GPRC5B: variants seen among roughly 807,000 people sequenced by gnomAD.
The protein encoded by GPRC5B is G protein-coupled receptor class C group 5 member B, also known as G protein-coupled receptor family C group 5 member B.
In GPRC5B, 16 loss-of-function variants were observed where a neutral mutation model predicts 30.1. That is an observed-to-expected ratio of 0.53 (90% CI 0.36 to 0.81). The LOEUF is 0.81. Ranked by LOEUF, GPRC5B falls within the 30% of genes least tolerant of loss-of-function variation. The pLI is 0.01. For missense variants in GPRC5B, 428 were observed against 544.7 expected, an observed-to-expected ratio of 0.79 and a Z score of 2.13; for synonymous variants, 241 against 239.5, an observed-to-expected ratio of 1.01 and a Z score of -0.06.
chr16:19,861,201 G>T (rs1186552542), intron 3 of GPRC5B, among the ~76,000 whole-genome samples: 1 of 151,530 alleles, frequency 6.6e-6, no homozygotes, highest in Non-Finnish European at 1.5e-5. Context: ...GTTTCTGAAA[G>T]AAGCATGTAG....
At chr16:19,863,346 A>G (rs1482528720) in intron 2 of GPRC5B, among the ~76,000 whole-genome samples, 1 of 151,546 alleles carries the variant, frequency 6.6e-6, no homozygotes, top group East Asian at 1.9e-4. Flanking sequence ...TTTTTTTTAG[A>G]GACGGGGTCT....
Position 19,872,162 on chromosome 16 carries a change from C to T in GPRC5B, c.684G>A (p.Arg228=). 1 of 1,614,160 alleles carries T rather than the reference C, an allele frequency of 6.2e-7. No homozygotes were observed. Among genetic ancestry groups the T allele is most frequent in the Non-Finnish European group, 8.5e-7 (1 of 1,180,004 alleles). The change falls in exon 2 of 4, where the codon AGG becomes AGA. Residue 228 remains arginine (R), a synonymous_variant. Transcript: ENST00000300571. The surrounding 1 kb of genome is among the most constrained non-coding windows in gnomAD (Gnocchi z 5.0). The stretch of plus-strand genomic sequence containing the variant: ...GGAGGAAGGCCCCGTTCAGCTTCCA[C>T]CTCTTGAACTTGCCGCACAGAGTGA... ...ALFTLCGKFK[R]WKLNGAFLLI...
upstream of GPRC5B, chr16:19,885,417 G>A: frequency 4.3e-6 from 5 of 1,157,058 alleles, no homozygotes; most frequent in Non-Finnish European, 5.4e-6. The surrounding 1 kb of genome is among the most constrained non-coding windows in gnomAD (Gnocchi z 5.3). Context: ...CCTCCAGGCA[G>A]GTTCCTCCTG....
intron 1 of GPRC5B, among the ~76,000 whole-genome samples, chr16:19,875,649 C>T (rs973241959): frequency 2.6e-5 from 4 of 151,996 alleles, no homozygotes; most frequent in African/African-American, 7.2e-5. Context: ...CGTGGTGCCA[C>T]GTGCCTATAG....
At position 19,871,796 on chromosome 16, in the gene GPRC5B, C is replaced by A. The variant is rs1028579612; in HGVS notation, c.1030+20G>T. The A allele has an allele frequency of 2.5e-6, 4 of 1,604,698 alleles. No homozygotes were observed. Among genetic ancestry groups the A allele is most frequent in the Non-Finnish European group, 3.4e-6 (4 of 1,172,936 alleles). On this transcript the variant is annotated intron_variant, in intron 2 of 3. Coordinates refer to ENST00000300571, the MANE Select transcript of GPRC5B (RefSeq NM_016235.3). ...TGAATGGTCCCCCGGCCTGACCCAGCCGGGTGGTGCCCACTTTACCTGCAT... is the reference window on the plus strand; with the variant it reads ...TGAATGGTCCCCCGGCCTGACCCAGACGGGTGGTGCCCACTTTACCTGCAT...
At chr16:19,866,001 C>G (rs1337842998) in intron 2 of GPRC5B, among the ~76,000 whole-genome samples, 2 of 152,174 alleles carry the variant, frequency 1.3e-5, no homozygotes, top group East Asian at 3.9e-4. Flanking sequence ...GTGATCTCAG[C>G]TCACTGCAAC....
intron 1 of GPRC5B, among the ~76,000 whole-genome samples, chr16:19,879,508 A>AAC (rs2056786786): frequency 6.8e-6 from 1 of 146,456 alleles, no homozygotes. Context: ...GTGGAGGAAC[A>AAC]GCACACTCTA....
chr16:19,873,190 C>T (rs2056736817), intron 1 of GPRC5B, among the ~76,000 whole-genome samples: 2 of 152,170 alleles, frequency 1.3e-5, no homozygotes, highest in Admixed American at 6.6e-5. Context: ...GAAGGCTGGG[C>T]GTGGTGGCTC....
chr16:19,885,067 T>G, upstream of GPRC5B: 3 of 709,636 alleles, frequency 4.2e-6, no homozygotes, highest in Non-Finnish European at 6.3e-6. The surrounding 1 kb of genome is among the most constrained non-coding windows in gnomAD (Gnocchi z 5.3). Flanking sequence ...TCAGAGACGA[T>G]TCCCCCGACC....
chr16:19,881,524 G>A (rs1295133862), intron 1 of GPRC5B, among the ~76,000 whole-genome samples: 3 of 152,236 alleles, frequency 2.0e-5, no homozygotes, highest in Admixed American at 6.5e-5. Context: ...GCTCATGCCT[G>A]TAATCCCAGC....
Position 19,857,914 on chromosome 16 carries a change from C to T in GPRC5B, c.*2586G>A, listed in dbSNP as rs1257397449. On this transcript the variant is annotated 3_prime_UTR_variant, in exon 4 of 4. Coordinates refer to ENST00000300571, the MANE Select transcript of GPRC5B (RefSeq NM_016235.3). ...TGGGGAGAAATCCAGGCTAGAATGACAATTTTCTATTAAAAGGGGGGACAA... is the reference window on the plus strand; with the variant it reads ...TGGGGAGAAATCCAGGCTAGAATGATAATTTTCTATTAAAAGGGGGGACAA... 3 of 152,752 alleles carry T rather than the reference C, an allele frequency of 2.0e-5. No individual in the cohort carries two copies. The highest frequency in any genetic ancestry group is 4.4e-5 in the Non-Finnish European group (3 of 68,566). 9.5% of individuals were successfully genotyped at this position (152,752 alleles called of 1,614,324 possible).
chr16:19,875,706 G>T (rs976115723), intron 1 of GPRC5B, among the ~76,000 whole-genome samples: 2 of 152,166 alleles, frequency 1.3e-5, no homozygotes, highest in African/African-American at 4.8e-5. Flanking sequence ...TTGAACCTGG[G>T]AGGTGGAGGT....
chr16:19,870,449 A>G lies in GPRC5B; in HGVS notation c.1030+1367T>C, dbSNP rs543205499. ...CTGTGTTCCTTCTCCTAACAGCTCT[A>G]TGAGGTACAGTCTCTTACTATTTCT... On this transcript the variant is annotated intron_variant, in intron 2 of 3. Transcript: ENST00000300571. 2.6e-5 allele frequency among the ~76,000 whole-genome samples: 4 copies of G among 152,336 alleles called. No homozygotes were observed. In the South Asian group the frequency reaches 6.2e-4, roughly 24 times the overall value.
Position 19,860,429 on chromosome 16 carries a change from C to G in GPRC5B, c.*71G>C. 2.1e-6 allele frequency: 2 copies of G among 963,720 alleles called. No homozygotes were observed. The highest frequency in any genetic ancestry group is 1.4e-5 in the South Asian group (1 of 73,642). 59.7% of individuals were successfully genotyped at this position (963,720 alleles called of 1,614,324 possible). On this transcript the variant is annotated 3_prime_UTR_variant, in exon 4 of 4. Coordinates refer to ENST00000300571, the MANE Select transcript of GPRC5B (RefSeq NM_016235.3). Reference sequence around the variant, plus strand: ...GGTTCGGCAACTGTTACCGATTTCTCCCTCAAGAAAGACACAGCCAGGGAG... The same window carrying G: ...GGTTCGGCAACTGTTACCGATTTCTGCCTCAAGAAAGACACAGCCAGGGAG...
chr16:19,872,404 G>A lies in GPRC5B; in HGVS notation c.442C>T (p.Arg148Trp), dbSNP rs149830893. ...SCLLSQAWRV[R>W]RLVRHGTGPA... is the part of the protein sequence containing the mutation. ...CCCGTGCCATGCCGCACCAGCCTCC[G>A]CACGCGCCATGCCTGGCTCAGCAGG... is the stretch of plus-strand genomic sequence containing the variant. The change falls in exon 2 of 4, where the codon CGG becomes TGG. Residue 148 changes from arginine (R) to tryptophan (W), a missense_variant. Around this residue, in one of 3 missense-constraint regions of GPRC5B, gnomAD observed 196 missense variants for 272.6 expected, o/e 0.72. Coordinates refer to ENST00000300571, the MANE Select transcript of GPRC5B (RefSeq NM_016235.3). The surrounding 1 kb of genome is among the most constrained non-coding windows in gnomAD (Gnocchi z 5.0). 65 of 1,613,484 alleles carry A rather than the reference G, an allele frequency of 4.0e-5. 1 individual carries two copies. The East Asian group carries it at 6.7e-4, about 17-fold the overall frequency.
chr16:19,872,479 A>T lies in GPRC5B; in HGVS notation c.367T>A (p.Ser123Thr). 4.3e-6 allele frequency: 7 copies of T among 1,613,920 alleles called. No homozygotes were observed. The highest frequency in any genetic ancestry group is 5.9e-6 in the Non-Finnish European group (7 of 1,179,854). ...FIIQEDETIC[S>T]VRRFLWGVLF... is the part of the protein sequence containing the mutation. Reference sequence around the variant, plus strand: ...ACGCCCCAGAGGAAGCGGCGGACAGAGCAGATGGTCTCGTCCTCCTGGATG... The same window carrying T: ...ACGCCCCAGAGGAAGCGGCGGACAGTGCAGATGGTCTCGTCCTCCTGGATG... The change falls in exon 2 of 4, where the codon TCT (serine) becomes ACT (threonine). Residue 123 changes from serine (S) to threonine (T), a missense_variant. Physicochemically the swap from Ser to Thr is moderately conservative, Grantham distance 58 (BLOSUM62 1). This residue lies in a region of GPRC5B where 196 missense variants were observed against 272.6 expected (regional missense o/e 0.72). Transcript: ENST00000300571. This position sits in a 1 kb window ranked among gnomAD's most constrained non-coding sequence, Gnocchi z 5.0.
chr16:19,866,784 A>G (rs538818572), intron 2 of GPRC5B, among the ~76,000 whole-genome samples: 6 of 152,114 alleles, frequency 3.9e-5, no homozygotes, highest in Admixed American at 1.3e-4. Flanking sequence ...GCTTTGGAAA[A>G]GAAAGAGGGG....
intron 1 of GPRC5B, among the ~76,000 whole-genome samples, chr16:19,884,107 C>G (rs1293965624): frequency 7.3e-6 from 1 of 136,968 alleles, no homozygotes. Context: ...TGTATGCAGC[C>G]GCCCCCTCCT....
Position 19,884,791 on chromosome 16 carries a change from G to A in GPRC5B, c.-66C>T. On this transcript the variant is annotated 5_prime_UTR_variant, in exon 1 of 4. Transcript: ENST00000300571. Reference sequence around the variant, plus strand: ...CTTCGGCCCGAGTCACATCTCTGCGGCGCGGCCGCGGCCCCCGCTCCACGC... The same window carrying A: ...CTTCGGCCCGAGTCACATCTCTGCGACGCGGCCGCGGCCCCCGCTCCACGC... The A allele has an allele frequency of 2.0e-6, 2 of 984,130 alleles. No individual in the cohort carries two copies. The highest frequency in any genetic ancestry group is 2.4e-6 in the Non-Finnish European group (2 of 829,352). 61.0% of individuals were successfully genotyped at this position (984,130 alleles called of 1,614,324 possible). A position where few individuals can be genotyped will look rare whatever the true frequency, so the allele number is the denominator to read the frequency against.
Sources: gnomAD v4.1 joint callset for allele counts (sites outside exome capture counted in the v4.1 genomes callset) on GRCh38, gnomAD v4.1.1 for gene constraint, gnomAD v4.1.1 regional missense constraint, Gnocchi (gnomAD v3.1) non-coding constraint, MANE v1.5 for transcripts, NCBI Gene and HGNC (gene_info 2026-07-23, HGNC 2026-07-21) for gene names.